The following COX10 variants were observed in gnomAD, a reference collection of about 807,000 sequenced individuals.
COX10 encodes cytochrome c oxidase assembly factor heme A:farnesyltransferase COX10.
COX10 carries 27 observed loss-of-function variants against 37.3 expected under a neutral mutation model. The ratio of observed to expected loss-of-function variants is 0.72; its 90% CI spans 0.53 to 1.00. The LOEUF (loss-of-function observed/expected upper bound fraction) is 1.00. Ranked by LOEUF, COX10 falls within the 50% of genes least tolerant of loss-of-function variation. The probability of loss-of-function intolerance (pLI) is 0.00; values close to 1 mark genes in which losing one functional copy is unlikely to be tolerated. For missense variants in COX10, 475 were observed against 563.2 expected, an observed-to-expected ratio of 0.84 and a Z score of 1.59; for synonymous variants, 222 against 229.1, an observed-to-expected ratio of 0.97 and a Z score of 0.28.
rs184949080 is a variant in COX10, at chr17:14,161,222, C to G, written c.695+1275C>G. ...GCCTTAGCTGTTGTAATTGGCAACA[C>G]TGTCCTTTTAAAGGGGGTTTGGATC... On this transcript the variant is annotated intron_variant, in intron 5 of 6. Coordinates refer to ENST00000261643, the MANE Select transcript of COX10 (RefSeq NM_001303.4). Among the ~76,000 whole-genome samples, 402 of 152,268 alleles carry G rather than the reference C, an allele frequency of 2.6e-3. 1 individual carries two copies. Among genetic ancestry groups the G allele is most frequent in the African/African-American group, 9.1e-3 (380 of 41,550 alleles).
At chr17:14,197,247 A>G (rs1906393508) in intron 6 of COX10, among the ~76,000 whole-genome samples, 1 of 152,216 alleles carries the variant, frequency 6.6e-6, no homozygotes, top group South Asian at 2.1e-4. Flanking sequence ...GAAATGCAGT[A>G]TGTCGGGAAG....
intron 1 of COX10, among the ~76,000 whole-genome samples, chr17:14,071,978 C>G (rs527959792): frequency 6.6e-6 from 1 of 152,164 alleles, no homozygotes; most frequent in East Asian, 1.9e-4. Context: ...GTCCTAAAAT[C>G]AGGAGCCAGT....
Position 14,102,256 on chromosome 17 carries a change from T to C in COX10, c.624+14T>C. The C allele has an allele frequency of 6.2e-7, 1 of 1,613,584 alleles. No individual in the cohort carries two copies. ...TCCATCAATCAGGTCAGTTTCTCAC[T>C]TTCATCTAAATTATGTTATTGTCAC... On this transcript the variant is annotated intron_variant, in intron 4 of 6. Coordinates refer to ENST00000261643, the MANE Select transcript of COX10 (RefSeq NM_001303.4).
At chr17:14,098,561 G>A (rs1915702553) in intron 3 of COX10, among the ~76,000 whole-genome samples, 1 of 152,060 alleles carries the variant, frequency 6.6e-6, no homozygotes, top group Non-Finnish European at 1.5e-5. Context: ...CTCAAAGATG[G>A]GTGCTATTTG....
intron 1 of COX10, among the ~76,000 whole-genome samples, chr17:14,071,068 T>C (rs779993167): frequency 6.6e-6 from 1 of 152,236 alleles, no homozygotes; most frequent in Non-Finnish European, 1.5e-5. Context: ...ATCACTTCTT[T>C]GTTACATTCT....
intron 6 of COX10, 145 bp from the exon 7 acceptor site, chr17:14,206,665 G>GA: frequency 1.9e-6 from 2 of 1,030,548 alleles, no homozygotes; most frequent in Non-Finnish European, 3.0e-6. Flanking sequence ...CAGCCACCCT[G>GA]TGATGTAGGC....
intron 5 of COX10, among the ~76,000 whole-genome samples, chr17:14,162,011 G>A (rs551951312): frequency 7.2e-5 from 11 of 152,180 alleles, no homozygotes; most frequent in East Asian, 1.9e-4. Flanking sequence ...CCTTCTTACC[G>A]TATTTCTTAC....
At chr17:14,107,848 G>T (rs1657109487) in intron 4 of COX10, among the ~76,000 whole-genome samples, 1 of 152,094 alleles carries the variant, frequency 6.6e-6, no homozygotes, top group Admixed American at 6.5e-5. Context: ...CAAGGCCACT[G>T]GCTCTATAAG....
intron 4 of COX10, among the ~76,000 whole-genome samples, chr17:14,113,575 C>A (rs1597505825): frequency 6.6e-6 from 1 of 152,092 alleles, no homozygotes; most frequent in South Asian, 2.1e-4. Context: ...TATATAGAAT[C>A]AAGCCACAGG....
intron 1 of COX10, among the ~76,000 whole-genome samples, chr17:14,073,325 T>G (rs531302857): frequency 1.3e-5 from 2 of 152,218 alleles, no homozygotes; most frequent in Non-Finnish European, 2.9e-5. Context: ...ACTTGATGAT[T>G]GTTAATTGAT....
chr17:14,139,125 A>G (rs1904467694), intron 4 of COX10, among the ~76,000 whole-genome samples: 1 of 152,234 alleles, frequency 6.6e-6, no homozygotes, highest in African/African-American at 2.4e-5. Context: ...GTAAGCCCTT[A>G]GTAAATAGTA....
intron 1 of COX10, among the ~76,000 whole-genome samples, chr17:14,071,453 A>G (rs552059145): frequency 6.6e-6 from 1 of 152,322 alleles, no homozygotes; most frequent in South Asian, 2.1e-4. Context: ...TGGAAGATCT[A>G]CTAAGAGAGC....
intron 1 of COX10, among the ~76,000 whole-genome samples, chr17:14,072,440 C>T (rs1310007225): frequency 2.0e-5 from 3 of 152,054 alleles, no homozygotes; most frequent in Non-Finnish European, 2.9e-5. Context: ...AGGATGGTCT[C>T]GAACTCCTGA....
chr17:14,092,319 G>A (rs1343401513), intron 3 of COX10, among the ~76,000 whole-genome samples: 1 of 152,116 alleles, frequency 6.6e-6, no homozygotes, highest in East Asian at 1.9e-4. Context: ...TTTGGAATCA[G>A]TATTGCTTAG....
intron 5 of COX10, chr17:14,179,404 C>A: frequency 5.9e-6 from 1 of 168,248 alleles, no homozygotes; most frequent in African/African-American, 2.4e-5. Context: ...TTATTTTCTT[C>A]AATTCCTCAA....
intron 4 of COX10, 73 bp from the exon 5 acceptor site, chr17:14,159,804 G>A (rs1030601471): frequency 1.8e-6 from 2 of 1,125,944 alleles, no homozygotes; most frequent in African/African-American, 1.5e-5. Flanking sequence ...CAGAAAAAAT[G>A]TTCAGTACTA....
chr17:14,153,767 A>G (rs1014787329), intron 4 of COX10, among the ~76,000 whole-genome samples: 7 of 152,224 alleles, frequency 4.6e-5, no homozygotes, highest in Non-Finnish European at 8.8e-5. Flanking sequence ...TGAAAAGCAT[A>G]TGTCCATACA....
intron 4 of COX10, among the ~76,000 whole-genome samples, chr17:14,154,487 A>T (rs1003342678): frequency 4.6e-5 from 7 of 152,216 alleles, no homozygotes; most frequent in African/African-American, 1.7e-4. Flanking sequence ...CATAAATTGC[A>T]ACCACACACC....
At chr17:14,185,903 A>C (rs1384501382) in intron 5 of COX10, among the ~76,000 whole-genome samples, 1 of 151,476 alleles carries the variant, frequency 6.6e-6, no homozygotes, top group Non-Finnish European at 1.5e-5. Flanking sequence ...AACCATGATC[A>C]CCCTCATGTC....
Sources: gnomAD v4.1 joint callset for allele counts (sites outside exome capture counted in the v4.1 genomes callset) on GRCh38, gnomAD v4.1.1 for gene constraint, MANE v1.5 for transcripts, NCBI Gene and HGNC (gene_info 2026-07-23, HGNC 2026-07-21) for gene names.